MICAL3: variants seen among roughly 807,000 people sequenced by gnomAD.
The protein encoded by MICAL3 is microtubule associated monooxygenase, calponin and LIM domain containing 3, also known as [F-actin]-monooxygenase MICAL3.
Under a neutral mutation model 207.4 loss-of-function variants are expected in MICAL3, and 62 were observed. The observed-to-expected ratio is 0.30, with a 90% CI of 0.24 to 0.37. MICAL3 has a LOEUF of 0.37. Among genes scored for constraint, MICAL3 ranks in the 10% least tolerant of loss-of-function variants. The pLI is 1.00. For synonymous variants in MICAL3, 1,077 were observed against 1,069.3 expected (o/e 1.01, Z -0.14); for missense variants, 2,368 against 2,635.6 (o/e 0.90, Z 2.22).
chr22:17,917,804 C>A (rs944833818), intron 1 of MICAL3, among the ~76,000 whole-genome samples: 4 of 152,210 alleles, frequency 2.6e-5, no homozygotes, highest in Admixed American at 6.5e-5. Flanking sequence ...GCTCTGCTGA[C>A]CACACCCAGG....
In MICAL3 at chr22:17,820,441, G is replaced by A. The variant is rs180923292; in HGVS notation, c.3531+986C>T. ...GCCATCTCGGCTCACTGCAAGCTCC[G>A]CCTTCCGGGTTCATGCCATTCTCCT... is the stretch of plus-strand genomic sequence containing the variant. On this transcript the variant is annotated intron_variant, in intron 25 of 31. Transcript: ENST00000441493. 2.0e-4 allele frequency among the ~76,000 whole-genome samples: 30 copies of A among 152,240 alleles called. No homozygotes were observed. In the East Asian group the frequency reaches 5.0e-3, roughly 25 times the overall value.
chr22:17,866,842 T>A (rs1927212011), intron 17 of MICAL3, among the ~76,000 whole-genome samples: 1 of 152,240 alleles, frequency 6.6e-6, no homozygotes, highest in Admixed American at 6.5e-5. Context: ...ACTCTGGTAA[T>A]GGAATTAACC....
chr22:17,826,299 C>T (rs1287040308), intron 22 of MICAL3, among the ~76,000 whole-genome samples: 2 of 152,156 alleles, frequency 1.3e-5, no homozygotes, highest in South Asian at 2.1e-4. Context: ...CATGCAAGGG[C>T]GGGCTGTCTG....
chr22:17,942,330 A>C (rs370002286), intron 1 of MICAL3, among the ~76,000 whole-genome samples: 1 of 152,112 alleles, frequency 6.6e-6, no homozygotes, highest in East Asian at 1.9e-4. Context: ...CCAGAAGGTA[A>C]ATGGAGCCCA....
chr22:17,832,007 G>C lies in MICAL3; in HGVS notation c.2902C>G (p.Arg968Gly), dbSNP rs375228312. Reference sequence around the variant, plus strand: ...TTCCCTTTCAGAAGGGCATGGATCCGCACGGCCTCCTTCCACGGAACACCA... The same window carrying C: ...TTCCCTTTCAGAAGGGCATGGATCCCCACGGCCTCCTTCCACGGAACACCA... Reference protein sequence around the residue: ...LGGVPWKEAVRIHALLKGKSE... With the variant: ...LGGVPWKEAVGIHALLKGKSE... The change falls in exon 21 of 32, where the codon CGG becomes GGG. Residue 968 changes from arginine to glycine, a missense_variant. Physicochemically the swap from Arg to Gly is moderately radical, Grantham distance 125. Coordinates refer to ENST00000441493, the MANE Select transcript of MICAL3 (RefSeq NM_015241.3). The C allele has an allele frequency of 6.2e-7, 1 of 1,605,266 alleles. No homozygotes were observed. Among genetic ancestry groups the C allele is most frequent in the African/African-American group, 1.3e-5 (1 of 74,492 alleles).
At position 17,869,565 on chromosome 22, in the gene MICAL3, CTG is replaced by C. The variant is rs148306974; in HGVS notation, c.2428+2270_2428+2271del. Among the ~76,000 whole-genome samples, 707 of 152,292 alleles carry C rather than the reference CTG, an allele frequency of 4.6e-3. 6 individuals carry two copies. Among genetic ancestry groups the C allele is most frequent in the African/African-American group, 0.016 (679 of 41,546 alleles). Reference sequence around the variant, plus strand: ...CTTTGCAAAAAAAGAAACAGCAGCTCTGTGTTTGAGCAGACGGCATCCTCCAG... The same window carrying C: ...CTTTGCAAAAAAAGAAACAGCAGCTCTGTTTGAGCAGACGGCATCCTCCAG... On this transcript the variant is annotated intron_variant, in intron 17 of 31. Coordinates refer to ENST00000441493, the MANE Select transcript of MICAL3 (RefSeq NM_015241.3).
At chr22:17,886,471 A>G (rs1199090696) in intron 15 of MICAL3, among the ~76,000 whole-genome samples, 1 of 152,204 alleles carries the variant, frequency 6.6e-6, no homozygotes, top group Non-Finnish European at 1.5e-5. Context: ...GTTTGAGACC[A>G]GCCTGGACAA....
At chr22:17,872,934 GA>G in intron 16 of MICAL3, 8 of 925,454 alleles carry the variant, frequency 8.6e-6, no homozygotes, top group South Asian at 1.4e-5. Flanking sequence ...AAGACACGGG[GA>G]AAAAAAGAAA....
chr22:17,958,286 G>T (rs1442624191), intron 1 of MICAL3, among the ~76,000 whole-genome samples: 2 of 152,096 alleles, frequency 1.3e-5, no homozygotes, highest in Admixed American at 1.3e-4. Flanking sequence ...GCCACTTTGG[G>T]TCCTCAGGCC....
chr22:17,928,307 C>T (rs1024636810), intron 1 of MICAL3, among the ~76,000 whole-genome samples: 8 of 152,034 alleles, frequency 5.3e-5, no homozygotes, highest in Non-Finnish European at 8.8e-5. Context: ...GGCGTGGTGG[C>T]GGGCATCTGT....
At chr22:17,965,263 G>T (rs539198160) in intron 1 of MICAL3, among the ~76,000 whole-genome samples, 2 of 151,212 alleles carry the variant, frequency 1.3e-5, no homozygotes, top group African/African-American at 4.9e-5. Context: ...TTCTGTATCA[G>T]AAAGCAATGA....
At chr22:17,802,008 T>A (rs2061945477) in intron 29 of MICAL3, among the ~76,000 whole-genome samples, 1 of 151,678 alleles carries the variant, frequency 6.6e-6, no homozygotes, top group Non-Finnish European at 1.5e-5. Flanking sequence ...GTGGATACAA[T>A]CCTAAAGAAA....
intron 1 of MICAL3, among the ~76,000 whole-genome samples, chr22:17,912,771 C>T (rs1050753654): frequency 1.3e-5 from 2 of 152,192 alleles, no homozygotes; most frequent in African/African-American, 4.8e-5. Flanking sequence ...ATATCATCTA[C>T]AAATGGAGAT....
chr22:17,933,401 T>C (rs1462229445), intron 1 of MICAL3, among the ~76,000 whole-genome samples: 1 of 152,080 alleles, frequency 6.6e-6, no homozygotes, highest in Admixed American at 6.5e-5. Context: ...AAAGCAGAAA[T>C]AAAGATGTTC....
At chr22:17,917,834 C>T (rs1355806970) in intron 1 of MICAL3, among the ~76,000 whole-genome samples, 1 of 152,220 alleles carries the variant, frequency 6.6e-6, no homozygotes, top group Non-Finnish European at 1.5e-5. Flanking sequence ...CCCGCCCCTG[C>T]CCCGTCACTC....
At chr22:17,888,400 CAA>C (rs1314657678) in intron 13 of MICAL3, among the ~76,000 whole-genome samples, 1 of 151,236 alleles carries the variant, frequency 6.6e-6, no homozygotes, top group Non-Finnish European at 1.5e-5. Flanking sequence ...GAGAGACAAG[CAA>C]AGATTTTTGG....
chr22:17,844,854 A>G (rs1924466082), intron 19 of MICAL3, among the ~76,000 whole-genome samples: 1 of 152,192 alleles, frequency 6.6e-6, no homozygotes, highest in South Asian at 2.1e-4. Context: ...GCAGAGGGCA[A>G]TCCTGATAGA....
At chr22:17,959,015 T>G (rs1307702340) in intron 1 of MICAL3, among the ~76,000 whole-genome samples, 4 of 136,938 alleles carry the variant, frequency 2.9e-5, no homozygotes, top group East Asian at 2.2e-4. Flanking sequence ...CTGGGGTTTT[T>G]TTTTTTTTTT....
rs917604656 is a variant in MICAL3, at chr22:17,821,914, A to G, written c.3448+116T>C. The G allele has an allele frequency of 4.6e-6, 6 of 1,293,380 alleles. No individual in the cohort carries two copies. The African/African-American group carries it at 5.9e-5, about 13-fold the overall frequency. 80.1% of individuals were successfully genotyped at this position (1,293,380 alleles called of 1,614,324 possible). ...AGGCAAGGAGCTGCCCACACCTCGG[A>G]GGCTGGTGTGCACCATGGCTCTGCT... On this transcript the variant is annotated intron_variant, in intron 24 of 31. Coordinates refer to ENST00000441493, the MANE Select transcript of MICAL3 (RefSeq NM_015241.3).
Sources: allele counts gnomAD v4.1 joint callset (sites outside exome capture counted in the v4.1 genomes callset), GRCh38; gene constraint gnomAD v4.1.1; transcripts MANE v1.5; gene names NCBI Gene and HGNC (gene_info 2026-07-23, HGNC 2026-07-21).